Variants in PSPC1 observed in about 807,000 individuals in gnomAD.
PSPC1 encodes the protein paraspeckle component 1.
A neutral mutation model predicts 51.6 loss-of-function variants in PSPC1; 14 were observed. The observed-to-expected ratio is 0.27, with a 90% CI of 0.18 to 0.42. The LOEUF (loss-of-function observed/expected upper bound fraction) is 0.42. Among genes scored for constraint, PSPC1 ranks in the 10% least tolerant of loss-of-function variants. PSPC1 has a pLI of 1.00. For missense variants in PSPC1, 406 were observed against 701.1 expected, an observed-to-expected ratio of 0.58 and a Z score of 4.75; for synonymous variants, 193 against 231.9, an observed-to-expected ratio of 0.83 and a Z score of 1.53.
intron 1 of PSPC1, among the ~76,000 whole-genome samples, chr13:19,779,172 C>G (rs1297989423): frequency 2.9e-5 from 3 of 102,194 alleles, no homozygotes; most frequent in Admixed American, 2.8e-4. Flanking sequence ...CCCCTCCGCC[C>G]GGCAGCTGCC....
chr13:19,696,504 C>A (rs1879265389), intron 6 of PSPC1, among the ~76,000 whole-genome samples: 1 of 149,288 alleles, frequency 6.7e-6, no homozygotes, highest in African/African-American at 2.5e-5. Flanking sequence ...CACACGCACA[C>A]ACACACACAC....
chr13:19,706,260 C>T (rs1445656002), intron 7 of PSPC1, among the ~76,000 whole-genome samples: 1 of 151,598 alleles, frequency 6.6e-6, no homozygotes, highest in East Asian at 1.9e-4. Context: ...GTAAATTATG[C>T]TAAGTTGTGA....
At chr13:19,673,479 AAAAGAC>A (rs1413718535), downstream of PSPC1, 1 of 190,382 alleles carries the variant, frequency 5.3e-6, no homozygotes, top group Non-Finnish European at 1.1e-5. Context: ...TCAAAACTTT[AAAAGAC>A]AGTAGATATT....
chr13:19,747,658 GT>G (rs1234140537), intron 4 of PSPC1, among the ~76,000 whole-genome samples: 3 of 152,088 alleles, frequency 2.0e-5, no homozygotes, highest in Admixed American at 1.3e-4. Flanking sequence ...CGATTTTTGG[GT>G]TTTTTGCTTA....
intron 1 of PSPC1, among the ~76,000 whole-genome samples, chr13:19,777,877 C>G (rs1390206970): frequency 6.6e-6 from 1 of 151,184 alleles, no homozygotes; most frequent in Admixed American, 6.6e-5. Context: ...ACCAGGGAGG[C>G]AGAGGTTGCA....
chr13:19,717,998 G>A (rs867521758), intron 6 of PSPC1, among the ~76,000 whole-genome samples: 3 of 152,006 alleles, frequency 2.0e-5, no homozygotes, highest in South Asian at 2.1e-4. Flanking sequence ...ACCTATGATT[G>A]CGTCACTGCA....
At chr13:19,690,431 C>G (rs984370574) in intron 6 of PSPC1, among the ~76,000 whole-genome samples, 1 of 152,162 alleles carries the variant, frequency 6.6e-6, no homozygotes. Flanking sequence ...TGTGTTGGTT[C>G]TGGTTTTCTC....
rs1249903194 is a variant in PSPC1, at chr13:19,719,416, T to C, written c.1159-9817A>G. ...ACTCACTGGGCTCAACGGATCCTCC[T>C]GCCTCAGGCTCCCTAGTAGCTGGAA... On this transcript the variant is annotated intron_variant, in intron 6 of 8. Transcript: ENST00000338910. 2.0e-5 allele frequency among the ~76,000 whole-genome samples: 3 copies of C among 152,212 alleles called. No individual in the cohort carries two copies. In the East Asian group the frequency reaches 5.8e-4, roughly 29 times the overall value.
intron 6 of PSPC1, among the ~76,000 whole-genome samples, chr13:19,710,034 A>G (rs945766142): frequency 7.2e-5 from 11 of 152,256 alleles, no homozygotes; most frequent in Non-Finnish European, 1.2e-4. Context: ...ATTTGAACAT[A>G]TAACACAAAT....
intron 6 of PSPC1, among the ~76,000 whole-genome samples, chr13:19,717,484 T>G (rs1048673314): frequency 6.6e-6 from 1 of 151,842 alleles, no homozygotes; most frequent in Non-Finnish European, 1.5e-5. Context: ...AGCGGGCAGA[T>G]CACCTGAGGT....
intron 6 of PSPC1, among the ~76,000 whole-genome samples, chr13:19,712,281 G>C (rs1412443339): frequency 2.6e-5 from 4 of 152,118 alleles, no homozygotes; most frequent in Non-Finnish European, 4.4e-5. Flanking sequence ...CTAATATAGG[G>C]TAATTGTTTA....
intron 6 of PSPC1, among the ~76,000 whole-genome samples, chr13:19,689,700 T>C (rs901584639): frequency 1.3e-5 from 2 of 152,168 alleles, no homozygotes; most frequent in African/African-American, 4.8e-5. Context: ...CCCAGGATGC[T>C]GAAAAGAATA....
intron 6 of PSPC1, among the ~76,000 whole-genome samples, chr13:19,724,900 G>A (rs1165981136): frequency 1.3e-5 from 2 of 152,192 alleles, no homozygotes; most frequent in Admixed American, 6.5e-5. Context: ...TTGGGAGGCT[G>A]AGGCAGGAGA....
chr13:19,742,110 T>A (rs1329201810), intron 4 of PSPC1, among the ~76,000 whole-genome samples: 1 of 151,876 alleles, frequency 6.6e-6, no homozygotes, highest in Non-Finnish European at 1.5e-5. Context: ...CCAGCCTGAA[T>A]GACAGAGCAA....
chr13:19,692,927 G>A (rs899130765), intron 6 of PSPC1, among the ~76,000 whole-genome samples: 1 of 152,152 alleles, frequency 6.6e-6, no homozygotes, highest in Non-Finnish European at 1.5e-5. Flanking sequence ...CTCTGCTCCA[G>A]AACATTGTTT....
At chr13:19,709,022 G>C (rs1881056410) in intron 7 of PSPC1, among the ~76,000 whole-genome samples, 1 of 151,968 alleles carries the variant, frequency 6.6e-6, no homozygotes, top group African/African-American at 2.4e-5. Context: ...AAATAAGCCA[G>C]GCGTGGTGGC....
chr13:19,697,377 GT>G (rs892736131), intron 6 of PSPC1, among the ~76,000 whole-genome samples: 2 of 152,106 alleles, frequency 1.3e-5, no homozygotes, highest in African/African-American at 4.8e-5. Flanking sequence ...TAGAGGACAA[GT>G]TTTTTTCCAC....
At chr13:19,758,841 C>CA (rs76319591) in intron 3 of PSPC1, among the ~76,000 whole-genome samples, 3,120 of 133,056 alleles carry the variant, frequency 0.023, 37 homozygotes, top group Middle Eastern at 0.036. Context: ...ATCTCAAAAA[C>CA]AAAAAAAAAA....
At chr13:19,692,544 T>A (rs1167797882) in intron 6 of PSPC1, among the ~76,000 whole-genome samples, 1 of 152,250 alleles carries the variant, frequency 6.6e-6, no homozygotes, top group African/African-American at 2.4e-5. Flanking sequence ...AGATAATATA[T>A]TTACCAGGCG....
Sources: allele counts gnomAD v4.1 joint callset (sites outside exome capture counted in the v4.1 genomes callset), GRCh38; gene constraint gnomAD v4.1.1; transcripts MANE v1.5; gene names NCBI Gene and HGNC (gene_info 2026-07-23, HGNC 2026-07-21).